CA10: variants seen among roughly 807,000 people sequenced by gnomAD.
CA10 encodes carbonic anhydrase-related protein 10.
Under a neutral mutation model 44.2 loss-of-function variants are expected in CA10, and 14 were observed. The ratio of observed to expected loss-of-function variants is 0.32; its 90% CI spans 0.21 to 0.50. CA10 has a LOEUF of 0.50. CA10 is among the 20% of genes least tolerant of loss of function. The probability of loss-of-function intolerance (pLI) is 0.99; values close to 1 mark genes in which losing one functional copy is unlikely to be tolerated. For missense variants in CA10, 350 were observed against 409.7 expected, an observed-to-expected ratio of 0.85 and a Z score of 1.26; for synonymous variants, 159 against 141.6, an observed-to-expected ratio of 1.12 and a Z score of -0.87.
chr17:51,808,064 A>C (rs1404767423), intron 3 of CA10, among the ~76,000 whole-genome samples: 1 of 152,254 alleles, frequency 6.6e-6, no homozygotes, highest in Non-Finnish European at 1.5e-5. Context: ...TTCTCACTAC[A>C]GATCTGAGAG....
At chr17:51,837,757 G>A (rs1364967530) in intron 3 of CA10, among the ~76,000 whole-genome samples, 1 of 152,172 alleles carries the variant, frequency 6.6e-6, no homozygotes, top group Non-Finnish European at 1.5e-5. Context: ...TTATTTCAGT[G>A]CTACTGAAAG....
At chr17:51,991,489 G>T (rs1385798635) in intron 2 of CA10, among the ~76,000 whole-genome samples, 1 of 152,098 alleles carries the variant, frequency 6.6e-6, no homozygotes, top group African/African-American at 2.4e-5. Flanking sequence ...TTACTACAAT[G>T]CCAGGAATAA....
At chr17:52,010,008 A>G (rs1896494867) in intron 2 of CA10, among the ~76,000 whole-genome samples, 2 of 152,066 alleles carry the variant, frequency 1.3e-5, no homozygotes, top group Admixed American at 1.3e-4. Flanking sequence ...AATGCTCCAC[A>G]TCACTAAATA....
chr17:51,830,912 A>C (rs549197927), intron 3 of CA10, among the ~76,000 whole-genome samples: 1 of 152,298 alleles, frequency 6.6e-6, no homozygotes, highest in Non-Finnish European at 1.5e-5. Context: ...CAGCTAGACC[A>C]CAGGCCTGAA....
At chr17:52,031,584 C>T (rs72834297) in intron 2 of CA10, among the ~76,000 whole-genome samples, 188 of 152,270 alleles carry the variant, frequency 1.2e-3, no homozygotes, top group Non-Finnish European at 2.3e-3. Flanking sequence ...ACATGGGATT[C>T]TGTGACTGTT....
intron 2 of CA10, among the ~76,000 whole-genome samples, chr17:51,992,610 T>C (rs890894551): frequency 1.3e-5 from 2 of 152,144 alleles, no homozygotes; most frequent in African/African-American, 4.8e-5. Context: ...GACCAGAATA[T>C]GCAGGCTAAT....
At chr17:52,052,339 T>G (rs1277619807) in intron 2 of CA10, among the ~76,000 whole-genome samples, 3 of 149,514 alleles carry the variant, frequency 2.0e-5, no homozygotes, top group Non-Finnish European at 4.4e-5. Flanking sequence ...CCAACCCTGA[T>G]GAGTAGCCAT....
rs115018963 is a variant in CA10, at chr17:51,733,018, A to C, written c.465+14615T>G. Reference sequence around the variant, plus strand: ...GAGTTCTATGACATATCCCAAAGGTATTCTAGTAAATCCCCCTTTTAGTTT... The same window carrying C: ...GAGTTCTATGACATATCCCAAAGGTCTTCTAGTAAATCCCCCTTTTAGTTT... On this transcript the variant is annotated intron_variant, in intron 4 of 8. Coordinates refer to ENST00000451037, the MANE Select transcript of CA10 (RefSeq NM_020178.5). Among the ~76,000 whole-genome samples, 895 of 152,098 alleles carry C rather than the reference A, an allele frequency of 5.9e-3. 6 individuals are homozygous for C. The highest frequency in any genetic ancestry group is 0.02 in the African/African-American group (850 of 41,486).
chr17:52,078,843 C>T (rs980982721), intron 1 of CA10, among the ~76,000 whole-genome samples: 4 of 152,148 alleles, frequency 2.6e-5, no homozygotes, highest in South Asian at 2.1e-4. Flanking sequence ...TTACAACACC[C>T]GGAAGGTATT....
intron 3 of CA10, among the ~76,000 whole-genome samples, chr17:51,822,516 C>A (rs1387073779): frequency 6.6e-6 from 1 of 152,168 alleles, no homozygotes; most frequent in Non-Finnish European, 1.5e-5. Flanking sequence ...TGCATTCTCC[C>A]ATTATTACTA....
intron 4 of CA10, among the ~76,000 whole-genome samples, chr17:51,741,103 A>G (rs1005750796): frequency 2.0e-5 from 3 of 152,246 alleles, no homozygotes; most frequent in African/African-American, 7.2e-5. Context: ...TAACTGGATG[A>G]ATGAATGAAG....
rs547331254 is a variant in CA10 at position 52,002,291 on chromosome 17, A to G, written c.136+70028T>C. 2.6e-5 allele frequency among the ~76,000 whole-genome samples: 4 copies of G among 152,084 alleles called. No homozygotes were observed. The South Asian group carries it at 8.3e-4, about 32-fold the overall frequency. On this transcript the variant is annotated intron_variant, in intron 2 of 8. Transcript: ENST00000451037. ...TCTTGGTTGGCCCACTGCAGAGGTA[A>G]GGTGTGTGAGAAAGACAAGCAGTGA... is the stretch of plus-strand genomic sequence containing the variant.
intron 2 of CA10, among the ~76,000 whole-genome samples, chr17:52,065,899 A>G (rs1694106065): frequency 6.6e-6 from 1 of 152,164 alleles, no homozygotes; most frequent in Non-Finnish European, 1.5e-5. Flanking sequence ...TAATTGAATC[A>G]TGTGGACAGT....
chr17:52,122,749 C>T (rs1247328453), intron 1 of CA10, among the ~76,000 whole-genome samples: 3 of 152,150 alleles, frequency 2.0e-5, no homozygotes, highest in Non-Finnish European at 4.4e-5. Flanking sequence ...AGCTTAAATA[C>T]GCCTCTTGGG....
At chr17:51,840,478 T>TACAC (rs3033576) in intron 3 of CA10, among the ~76,000 whole-genome samples, 1,493 of 146,720 alleles carry the variant, frequency 0.01, 14 homozygotes, top group South Asian at 0.043. Flanking sequence ...CAACCTTTAA[T>TACAC]ACACACACAC....
At chr17:51,815,990 C>T (rs1028595764) in intron 3 of CA10, among the ~76,000 whole-genome samples, 3 of 152,000 alleles carry the variant, frequency 2.0e-5, no homozygotes, top group African/African-American at 7.3e-5. Flanking sequence ...ACCAAAGTTA[C>T]CCTGTTGTGC....
At chr17:51,789,007 G>A (rs577053235) in intron 3 of CA10, among the ~76,000 whole-genome samples, 5 of 152,096 alleles carry the variant, frequency 3.3e-5, no homozygotes, top group Non-Finnish European at 7.4e-5. Context: ...TTCAATTACA[G>A]TTTTCTTTCT....
chr17:51,731,362 C>G (rs7224862), intron 4 of CA10, among the ~76,000 whole-genome samples: 4 of 151,784 alleles, frequency 2.6e-5, no homozygotes, highest in Non-Finnish European at 4.4e-5. Context: ...GGCGACAGGA[C>G]GAGACTCCGT....
chr17:51,849,233 G>GTGTATA lies in CA10; in HGVS notation c.279+81756_279+81757insTATACA, dbSNP rs1387448675. ...TATATATATATACATATATGTGTGT[G>GTGTATA]TATATATATATATATATATATATAT... On this transcript the variant is annotated intron_variant, in intron 3 of 8. Coordinates refer to ENST00000451037, the MANE Select transcript of CA10 (RefSeq NM_020178.5). Among the ~76,000 whole-genome samples the GTGTATA allele has an allele frequency of 1.7e-3, 69 of 39,892 alleles. 1 individual carries two copies. The highest frequency in any genetic ancestry group is 2.4e-3 in the East Asian group (4 of 1,696). 26.2% of individuals were successfully genotyped at this position (39,892 alleles called of 152,430 possible). A position where few individuals can be genotyped will look rare whatever the true frequency, so the allele number is the denominator to read the frequency against.
Sources: gnomAD v4.1 joint callset for allele counts (sites outside exome capture counted in the v4.1 genomes callset) on GRCh38, gnomAD v4.1.1 for gene constraint, MANE v1.5 for transcripts, NCBI Gene and HGNC (gene_info 2026-07-23, HGNC 2026-07-21) for gene names.